The following SGCZ variants were observed in gnomAD, a reference collection of about 807,000 sequenced individuals.
SGCZ encodes sarcoglycan zeta, also known as zeta-sarcoglycan.
Under a neutral mutation model 41.3 loss-of-function variants are expected in SGCZ, and 40 were observed. The ratio of observed to expected loss-of-function variants is 0.97; its 90% CI spans 0.75 to 1.26. The LOEUF (loss-of-function observed/expected upper bound fraction) is 1.26. Ranked by LOEUF, SGCZ falls within the 50% of genes most tolerant of loss-of-function variation. SGCZ has a pLI of 0.00. For missense variants in SGCZ, 552 were observed against 369.8 expected (o/e 1.49, Z -4.04); for synonymous variants, 206 against 137.5 (o/e 1.50, Z -3.49).
chr8:15,203,193 T>C (rs1800951952), intron 1 of SGCZ, among the ~76,000 whole-genome samples: 1 of 152,224 alleles, frequency 6.6e-6, no homozygotes, highest in Non-Finnish European at 1.5e-5. Flanking sequence ...TCGGTATCTT[T>C]TCTGGAAGTT....
chr8:14,582,430 T>A (rs1804921745), intron 1 of SGCZ, among the ~76,000 whole-genome samples: 1 of 152,144 alleles, frequency 6.6e-6, no homozygotes, highest in Non-Finnish European at 1.5e-5. Context: ...TATATGCACA[T>A]ATAATACGTA....
intron 2 of SGCZ, among the ~76,000 whole-genome samples, chr8:14,472,293 T>A (rs1463985528): frequency 6.6e-6 from 1 of 152,068 alleles, no homozygotes; most frequent in Non-Finnish European, 1.5e-5. Flanking sequence ...AATTAAAGGC[T>A]TATATTTTAT....
At chr8:14,941,612 C>G (rs1585397904) in intron 1 of SGCZ, among the ~76,000 whole-genome samples, 1 of 151,860 alleles carries the variant, frequency 6.6e-6, no homozygotes, top group Non-Finnish European at 1.5e-5. Flanking sequence ...TTAAGCATTT[C>G]CTCCAATGCT....
At chr8:14,201,315 G>A (rs1163535274) in intron 4 of SGCZ, among the ~76,000 whole-genome samples, 2 of 152,088 alleles carry the variant, frequency 1.3e-5, no homozygotes, top group African/African-American at 4.8e-5. Flanking sequence ...AAAAAAGCCT[G>A]TATGCATAAG....
intron 1 of SGCZ, among the ~76,000 whole-genome samples, chr8:15,206,594 GC>G: frequency 6.6e-6 from 1 of 151,858 alleles, no homozygotes; most frequent in Non-Finnish European, 1.5e-5. Context: ...GATTACAGGT[GC>G]CCGCCACCAC....
chr8:14,528,229 T>C (rs1457306724), intron 2 of SGCZ, among the ~76,000 whole-genome samples: 1 of 152,126 alleles, frequency 6.6e-6, no homozygotes, highest in East Asian at 1.9e-4. Flanking sequence ...TGCAGAATCT[T>C]CTCAAGTTTG....
intron 1 of SGCZ, among the ~76,000 whole-genome samples, chr8:14,808,088 G>A (rs910041610): frequency 1.3e-5 from 2 of 152,082 alleles, no homozygotes; most frequent in African/African-American, 4.8e-5. Context: ...ATTCAAGATG[G>A]ATTAAAGACT....
chr8:14,349,895 T>C (rs1363756630), intron 2 of SGCZ, among the ~76,000 whole-genome samples: 1 of 152,114 alleles, frequency 6.6e-6, no homozygotes, highest in Non-Finnish European at 1.5e-5. Context: ...ACATAATAGA[T>C]ACAGGATAAT....
chr8:14,209,898 A>G (rs923432595), intron 4 of SGCZ, among the ~76,000 whole-genome samples: 1 of 151,946 alleles, frequency 6.6e-6, no homozygotes, highest in Non-Finnish European at 1.5e-5. Flanking sequence ...ATTTTATCTT[A>G]TGAATTAGTT....
intron 1 of SGCZ, among the ~76,000 whole-genome samples, chr8:14,565,430 A>G (rs1157138064): frequency 3.9e-5 from 6 of 152,072 alleles, no homozygotes; most frequent in African/African-American, 7.2e-5. Context: ...CCATTAATGC[A>G]ATTTTGAAGG....
intron 1 of SGCZ, among the ~76,000 whole-genome samples, chr8:15,206,003 C>T (rs1415304533): frequency 6.6e-6 from 1 of 152,004 alleles, no homozygotes; most frequent in Non-Finnish European, 1.5e-5. Context: ...CCAAATATTG[C>T]ATGTTCTTAC....
intron 2 of SGCZ, among the ~76,000 whole-genome samples, chr8:14,335,699 G>A (rs900321821): frequency 6.6e-6 from 1 of 151,920 alleles, no homozygotes; most frequent in African/African-American, 2.4e-5. Flanking sequence ...TAGAAATTCA[G>A]ACAAATCTTG....
chr8:14,684,933 G>A (rs973126627), intron 1 of SGCZ, among the ~76,000 whole-genome samples: 1 of 151,942 alleles, frequency 6.6e-6, no homozygotes, highest in Non-Finnish European at 1.5e-5. Flanking sequence ...AACATGCAGT[G>A]GCATTTCCTA....
intron 2 of SGCZ, among the ~76,000 whole-genome samples, chr8:14,534,642 C>T (rs1176243852): frequency 6.6e-6 from 1 of 151,476 alleles, no homozygotes; most frequent in Non-Finnish European, 1.5e-5. Context: ...GAGGAGGAAC[C>T]TTAATCAAAA....
chr8:14,099,758 G>C (rs1474026720), intron 7 of SGCZ, among the ~76,000 whole-genome samples: 1 of 152,046 alleles, frequency 6.6e-6, no homozygotes, highest in Non-Finnish European at 1.5e-5. Flanking sequence ...ATTTTTCTTT[G>C]ATCTTGTGGT....
chr8:14,558,673 C>T (rs1804112990), intron 1 of SGCZ, among the ~76,000 whole-genome samples: 2 of 150,180 alleles, frequency 1.3e-5, no homozygotes, highest in African/African-American at 4.9e-5. Flanking sequence ...CAGGAAAGGA[C>T]ATAACAATGA....
intron 1 of SGCZ, among the ~76,000 whole-genome samples, chr8:15,178,450 T>C (rs780264721): frequency 6.6e-6 from 1 of 152,174 alleles, no homozygotes; most frequent in Non-Finnish European, 1.5e-5. Context: ...AGAGGACATA[T>C]TTTCAAATAC....
intron 2 of SGCZ, among the ~76,000 whole-genome samples, chr8:14,417,701 G>A (rs1186815965): frequency 6.6e-6 from 1 of 151,830 alleles, no homozygotes; most frequent in Non-Finnish European, 1.5e-5. Context: ...AATTTGCTAA[G>A]GGAGTAGATA....
Position 14,089,418 on chromosome 8 carries a change from C to G in SGCZ, c.*1025G>C, listed in dbSNP as rs780485590. ...ATGGAGAATAATTCTGAAGATGATA[C>G]CCCAATGGAAAGAGAATTTATTCTC... On this transcript the variant is annotated 3_prime_UTR_variant, in exon 8 of 8. Transcript: ENST00000382080. 6.6e-6 allele frequency among the ~76,000 whole-genome samples: 1 copy of G among 151,866 alleles called. No homozygotes were observed. Among genetic ancestry groups the G allele is most frequent in the African/African-American group, 2.4e-5 (1 of 41,386 alleles).
Sources: gnomAD v4.1 joint callset for allele counts (sites outside exome capture counted in the v4.1 genomes callset) on GRCh38, gnomAD v4.1.1 for gene constraint, MANE v1.5 for transcripts, NCBI Gene and HGNC (gene_info 2026-07-23, HGNC 2026-07-21) for gene names.